HS3ST5: variants seen among roughly 807,000 people sequenced by gnomAD.
HS3ST5 encodes heparan sulfate glucosamine 3-O-sulfotransferase 5.
A neutral mutation model predicts 25.4 loss-of-function variants in HS3ST5; 10 were observed. The observed-to-expected ratio is 0.39, with a 90% CI of 0.24 to 0.67. The LOEUF (loss-of-function observed/expected upper bound fraction) is 0.67. Ranked by LOEUF, HS3ST5 falls within the 30% of genes least tolerant of loss-of-function variation. The pLI is 0.44. For synonymous variants in HS3ST5, 170 were observed against 162.4 expected (o/e 1.05, Z -0.36); for missense variants, 324 against 420.7 (o/e 0.77, Z 2.01).
chr6:114,316,083 G>A (rs920833156), intron 1 of HS3ST5, among the ~76,000 whole-genome samples: 12 of 152,164 alleles, frequency 7.9e-5, no homozygotes, highest in Non-Finnish European at 1.6e-4. Flanking sequence ...ACCCTGCAGT[G>A]CCATTAAGAG....
At chr6:114,334,917 T>C (rs572044151) in intron 1 of HS3ST5, among the ~76,000 whole-genome samples, 2 of 152,250 alleles carry the variant, frequency 1.3e-5, no homozygotes, top group African/African-American at 4.8e-5. Flanking sequence ...GGCCATTGCA[T>C]ATACATATGA....
At chr6:114,073,787 C>T (rs1041242716) in intron 3 of HS3ST5, among the ~76,000 whole-genome samples, 1 of 152,176 alleles carries the variant, frequency 6.6e-6, no homozygotes, top group African/African-American at 2.4e-5. Context: ...CCAGCAATCC[C>T]ATTACTGGGT....
At chr6:114,161,192 C>T (rs902435560) in intron 3 of HS3ST5, among the ~76,000 whole-genome samples, 5 of 151,906 alleles carry the variant, frequency 3.3e-5, no homozygotes, top group South Asian at 2.1e-4. Flanking sequence ...AGATATCAAA[C>T]GGCCTTCGTG....
chr6:114,329,070 T>G (rs78211503), intron 1 of HS3ST5, among the ~76,000 whole-genome samples: 3,258 of 152,312 alleles, frequency 0.021, 116 homozygotes, highest in African/African-American at 0.075. Context: ...TTGTAATAGA[T>G]GATAAATCTA....
intron 1 of HS3ST5, among the ~76,000 whole-genome samples, chr6:114,336,256 T>C (rs951713215): frequency 6.6e-6 from 1 of 152,220 alleles, no homozygotes; most frequent in East Asian, 1.9e-4. Context: ...GTATTTTACA[T>C]AGATTATCAT....
At chr6:114,333,957 G>A (rs1191121139) in intron 1 of HS3ST5, among the ~76,000 whole-genome samples, 1 of 152,126 alleles carries the variant, frequency 6.6e-6, no homozygotes, top group African/African-American at 2.4e-5. Context: ...GCATCTGCAA[G>A]CCCATCAGTC....
intron 3 of HS3ST5, among the ~76,000 whole-genome samples, chr6:114,087,936 G>T (rs1384630800): frequency 6.6e-6 from 1 of 152,116 alleles, no homozygotes; most frequent in African/African-American, 2.4e-5. Flanking sequence ...AGAACTGCAT[G>T]GTCTAATATG....
intron 3 of HS3ST5, among the ~76,000 whole-genome samples, chr6:114,076,637 T>C (rs1161184618): frequency 6.6e-6 from 1 of 152,182 alleles, no homozygotes; most frequent in Non-Finnish European, 1.5e-5. Flanking sequence ...AGAGATCACA[T>C]TTTGAAAAAA....
At chr6:114,181,442 G>C (rs547857581) in intron 2 of HS3ST5, among the ~76,000 whole-genome samples, 2 of 152,234 alleles carry the variant, frequency 1.3e-5, no homozygotes, top group South Asian at 4.1e-4. Flanking sequence ...GTTCTGAAGA[G>C]ACAATGAACC....
chr6:114,191,745 C>A (rs986936738), intron 2 of HS3ST5, among the ~76,000 whole-genome samples: 1 of 152,092 alleles, frequency 6.6e-6, no homozygotes, highest in Non-Finnish European at 1.5e-5. Flanking sequence ...AAATGTTTGG[C>A]CCTGTCCACC....
chr6:114,337,960 C>G (rs1251129001), intron 1 of HS3ST5, among the ~76,000 whole-genome samples: 1 of 151,990 alleles, frequency 6.6e-6, no homozygotes, highest in Non-Finnish European at 1.5e-5. Flanking sequence ...AGCAGCTGTA[C>G]CTACTTATTT....
intron 3 of HS3ST5, among the ~76,000 whole-genome samples, chr6:114,121,085 A>T (rs1471094685): frequency 6.6e-6 from 1 of 152,252 alleles, no homozygotes; most frequent in Non-Finnish European, 1.5e-5. Flanking sequence ...ATTTGAAAGG[A>T]AACAAAAAAC....
intron 2 of HS3ST5, among the ~76,000 whole-genome samples, chr6:114,222,152 C>T (rs926633638): frequency 5.9e-5 from 9 of 151,804 alleles, no homozygotes; most frequent in African/African-American, 1.7e-4. Flanking sequence ...GTATAGGATC[C>T]GATCTCACGT....
intron 3 of HS3ST5, among the ~76,000 whole-genome samples, chr6:114,124,591 G>A (rs1286747370): frequency 6.8e-6 from 1 of 148,048 alleles, no homozygotes; most frequent in Non-Finnish European, 1.5e-5. Context: ...CATTACTATG[G>A]TTCAGTTTTT....
intron 1 of HS3ST5, among the ~76,000 whole-genome samples, chr6:114,321,309 T>TA (rs1394092695): frequency 4.6e-5 from 7 of 152,268 alleles, no homozygotes; most frequent in African/African-American, 1.7e-4. Context: ...AACCTACCTT[T>TA]AGCTGAAATT....
intron 3 of HS3ST5, among the ~76,000 whole-genome samples, chr6:114,110,140 T>C (rs558234586): frequency 8.5e-5 from 13 of 152,318 alleles, no homozygotes; most frequent in African/African-American, 2.9e-4. Context: ...GACTTTTTGA[T>C]AGATGAGGGC....
chr6:114,129,697 T>C (rs1352996125), intron 3 of HS3ST5, among the ~76,000 whole-genome samples: 1 of 152,210 alleles, frequency 6.6e-6, no homozygotes, highest in Non-Finnish European at 1.5e-5. Context: ...AGGTGAGCTA[T>C]TAAGTAGAAG....
chr6:114,297,831 A>G (rs577129398), intron 1 of HS3ST5, among the ~76,000 whole-genome samples: 46 of 152,360 alleles, frequency 3.0e-4, no homozygotes, highest in African/African-American at 7.5e-4. Flanking sequence ...CAAAATGACT[A>G]ATAGCCAATG....
At chr6:114,272,777 G>A (rs2114706316) in intron 1 of HS3ST5, among the ~76,000 whole-genome samples, 1 of 152,244 alleles carries the variant, frequency 6.6e-6, no homozygotes, top group Non-Finnish European at 1.5e-5. Context: ...ATGAGGTGAA[G>A]GAACAAGGCA....
Sources: gnomAD v4.1 joint callset for allele counts (sites outside exome capture counted in the v4.1 genomes callset) on GRCh38, gnomAD v4.1.1 for gene constraint, MANE v1.5 for transcripts, NCBI Gene and HGNC (gene_info 2026-07-23, HGNC 2026-07-21) for gene names.